Variants in CD1D observed in about 807,000 individuals in gnomAD.
The protein encoded by CD1D is antigen-presenting glycoprotein CD1d.
Under a neutral mutation model 42.1 loss-of-function variants are expected in CD1D, and 40 were observed. That is an observed-to-expected ratio of 0.95 (90% CI 0.74 to 1.24). The LOEUF is 1.24. Among genes scored for constraint, CD1D ranks in the 50% most tolerant of loss-of-function variants. The pLI, the probability that CD1D is intolerant of heterozygous loss-of-function variation, is 0.00. For missense variants in CD1D, 437 were observed against 416.5 expected, an observed-to-expected ratio of 1.05 and a Z score of -0.43; for synonymous variants, 178 against 171.8, an observed-to-expected ratio of 1.04 and a Z score of -0.28.
At chr1:158,178,554 A>G (rs1648257060), upstream of CD1D, among the ~76,000 whole-genome samples, 1 of 152,210 alleles carries the variant, frequency 6.6e-6, no homozygotes, top group African/African-American at 2.4e-5. Context: ...TAAGTCCCTT[A>G]TGATCAGGCT....
At chr1:158,178,547 G>A (rs1378581608), upstream of CD1D, among the ~76,000 whole-genome samples, 1 of 152,144 alleles carries the variant, frequency 6.6e-6, no homozygotes, top group Non-Finnish European at 1.5e-5. Flanking sequence ...AACCAAGTAA[G>A]TCCCTTATGA....
Position 158,182,253 on chromosome 1 carries a change from T to C in CD1D, c.550T>C (p.Cys184Arg). 1 of 1,614,140 alleles carries C rather than the reference T, an allele frequency of 6.2e-7. No homozygotes were observed. Residue 184 changes from cysteine to arginine, a missense_variant, in exon 3 of 6, where the codon TGC (cysteine) becomes CGC (arginine). Physicochemically the swap from Cys to Arg is radical, Grantham distance 180. Coordinates refer to ENST00000674085, the MANE Select transcript of CD1D (RefSeq NM_001371762.2). ...ETVQWLLNGT[C>R]PQFVSGLLES... ...AGTGCAGTGGCTCCTTAATGGCACC[T>C]GCCCCCAATTTGTCAGTGGCCTCCT...
chr1:158,181,974 T>C, intron 2 of CD1D, 58 bp from the exon 3 acceptor site: 1 of 1,528,826 alleles, frequency 6.5e-7, no homozygotes, highest in Non-Finnish European at 8.8e-7. Context: ...ATTTCTTCTC[T>C]TTCATCTCTC....
chr1:158,179,095 A>G (rs1162062924), upstream of CD1D, among the ~76,000 whole-genome samples: 2 of 152,198 alleles, frequency 1.3e-5, no homozygotes, highest in African/African-American at 4.8e-5. Flanking sequence ...ATACACAAAA[A>G]CTAAACAGAA....
rs142024402 is a variant in CD1D, at chr1:158,181,391, T to G, written c.62-64T>G. On this transcript the variant is annotated intron_variant, in intron 1 of 5. Coordinates refer to ENST00000674085, the MANE Select transcript of CD1D (RefSeq NM_001371762.2). The stretch of plus-strand genomic sequence containing the variant: ...CATCTCCTCTTGTTTCTTTCTTCCT[T>G]CTCTTTATGCTGGCTGCTCTCCCGG... 195 of 1,588,796 alleles carry G rather than the reference T, an allele frequency of 1.2e-4. 1 individual carries two copies. The African/African-American group carries it at 2.5e-3, about 20-fold the overall frequency.
In CD1D at chr1:158,182,917, G is replaced by T; in HGVS notation, c.647G>T (p.Gly216Val). 1 of 1,613,426 alleles carries T rather than the reference G, an allele frequency of 6.2e-7. No individual in the cohort carries two copies. Among genetic ancestry groups the T allele is most frequent in the Non-Finnish European group, 8.5e-7 (1 of 1,179,554 alleles). ...TGGCTGTCCCGTGGCCCCAGTCCTGGCCCTGGCCGTCTGCTGCTGGTGTGC... is the reference window on the plus strand; with the variant it reads ...TGGCTGTCCCGTGGCCCCAGTCCTGTCCCTGGCCGTCTGCTGCTGGTGTGC... ...KAWLSRGPSPGPGRLLLVCHV... is the reference protein window; with the variant it reads ...KAWLSRGPSPVPGRLLLVCHV... The change falls in exon 4 of 6, where the codon GGC becomes GTC. Residue 216 changes from glycine to valine, a missense_variant. Gly to Val is a moderately radical substitution (Grantham distance 109). Coordinates refer to ENST00000674085, the MANE Select transcript of CD1D (RefSeq NM_001371762.2).
At position 158,181,047 on chromosome 1, in the gene CD1D, G is replaced by C. The variant is rs1314025872; in HGVS notation, c.-55G>C. ...GCTGAGCGGCGGGGGAGAAGAGTGC[G>C]CAGGTCAGAGGGCGGCGCGCAGCGG... On this transcript the variant is annotated 5_prime_UTR_variant, in exon 1 of 6. Transcript: ENST00000674085. 6.9e-6 allele frequency: 10 copies of C among 1,447,022 alleles called. No homozygotes were observed. Among genetic ancestry groups the C allele is most frequent in the African/African-American group, 1.4e-5 (1 of 70,546 alleles). The allele number at this position is 1,447,022 out of a possible 1,614,324, so 89.6% of individuals were successfully genotyped here. A position where few individuals can be genotyped will look rare whatever the true frequency, so the allele number is the denominator to read the frequency against.
chr1:158,180,666 A>G (rs761876532), upstream of CD1D, among the ~76,000 whole-genome samples: 1 of 152,244 alleles, frequency 6.6e-6, no homozygotes, highest in Non-Finnish European at 1.5e-5. Flanking sequence ...AGAGACATGT[A>G]CTGCTAAAGC....
intron 2 of CD1D, 110 bp from the exon 3 acceptor site, chr1:158,181,922 C>G: frequency 7.0e-7 from 1 of 1,427,112 alleles, no homozygotes; most frequent in South Asian, 1.4e-5. Context: ...CACTTACTTT[C>G]CTTTCCCTGA....
intron 4 of CD1D, 37 bp from the exon 5 acceptor site, chr1:158,183,899 C>G (rs1648578571): frequency 6.6e-7 from 1 of 1,504,220 alleles, no homozygotes; most frequent in Non-Finnish European, 9.3e-7. Flanking sequence ...AGAGAGGGGT[C>G]CTGTGCTGAG....
rs985204807 is a variant in CD1D at position 158,186,211 on chromosome 1, T to C, written c.*2061T>C. On this transcript the variant is annotated 3_prime_UTR_variant, in exon 6 of 6. Coordinates refer to ENST00000674085, the MANE Select transcript of CD1D (RefSeq NM_001371762.2). ...GGCTGTTGCTGTGTTTGGTACCACA[T>C]TGCCCACCCTCACGTGGCGCTCTTC... is the stretch of plus-strand genomic sequence containing the variant. Among the ~76,000 whole-genome samples the C allele has an allele frequency of 5.9e-5, 9 of 152,142 alleles. No individual in the cohort carries two copies. The highest frequency in any genetic ancestry group is 2.2e-4 in the African/African-American group (9 of 41,428).
At chr1:158,179,391 C>T (rs922467019), upstream of CD1D, among the ~76,000 whole-genome samples, 4 of 152,134 alleles carry the variant, frequency 2.6e-5, no homozygotes, top group Admixed American at 2.6e-4. Flanking sequence ...AGCCTATTTT[C>T]TCTAGGACTC....
In CD1D at chr1:158,183,244, T is replaced by C. The variant is rs1648543465; in HGVS notation, c.886+88T>C. 14 of 1,471,380 alleles carry C rather than the reference T, an allele frequency of 9.5e-6. 1 individual carries two copies. Among genetic ancestry groups the C allele is most frequent in the Non-Finnish European group, 1.1e-5 (12 of 1,097,880 alleles). The allele number at this position is 1,471,380 out of a possible 1,614,324, so 91.1% of individuals were successfully genotyped here. A position where few individuals can be genotyped will look rare whatever the true frequency, so the allele number is the denominator to read the frequency against. On this transcript the variant is annotated intron_variant, in intron 4 of 5. Transcript: ENST00000674085. ...CACTGGGGTGGGATGTGGCTTGATATACCCAGGTTAGAGGAGTTTCAGAGA... is the reference window on the plus strand; with the variant it reads ...CACTGGGGTGGGATGTGGCTTGATACACCCAGGTTAGAGGAGTTTCAGAGA...
In CD1D at chr1:158,184,674, A is replaced by G. The variant is rs1648632267; in HGVS notation, c.*524A>G. The G allele has an allele frequency of 6.4e-6, 1 of 157,478 alleles. No homozygotes were observed. The highest frequency in any genetic ancestry group is 6.1e-5 in the Admixed American group (1 of 16,400). 9.8% of individuals were successfully genotyped at this position (157,478 alleles called of 1,614,324 possible). ...TACAAAATACTATGTGGGACACCTC[A>G]AATACATACCTACTGACTGATGACA... On this transcript the variant is annotated 3_prime_UTR_variant, in exon 6 of 6. Coordinates refer to ENST00000674085, the MANE Select transcript of CD1D (RefSeq NM_001371762.2).
rs1295329954 is a variant in CD1D, at chr1:158,182,058, G to A, written c.355G>A (p.Gly119Ser). 2 of 1,611,578 alleles carry A rather than the reference G, an allele frequency of 1.2e-6. No individual in the cohort carries two copies. Among genetic ancestry groups the A allele is most frequent in the African/African-American group, 1.3e-5 (1 of 74,796 alleles). Residue 119 changes from glycine to serine, a missense_variant, in exon 3 of 6, where the codon GGC becomes AGC. Physicochemically the swap from Gly to Ser is moderately conservative, Grantham distance 56. Coordinates refer to ENST00000674085, the MANE Select transcript of CD1D (RefSeq NM_001371762.2). ...SYPLELQVSA[G>S]CEVHPGNASN... ...TCCCTTGGAGCTCCAGGTGTCCGCT[G>A]GCTGTGAGGTGCACCCTGGGAACGC...
At chr1:158,182,615 G>T (rs556106066) in intron 3 of CD1D, among the ~76,000 whole-genome samples, 1 of 152,134 alleles carries the variant, frequency 6.6e-6, no homozygotes, top group Non-Finnish European at 1.5e-5. Context: ...AAAACAAAGG[G>T]TGTTATAGGG....
upstream of CD1D, among the ~76,000 whole-genome samples, chr1:158,179,169 T>C (rs1184729496): frequency 6.6e-6 from 1 of 152,184 alleles, no homozygotes; most frequent in Non-Finnish European, 1.5e-5. Context: ...TATTGCCCCA[T>C]GAGTCATATA....
At chr1:158,183,213 G>T in intron 4 of CD1D, 57 bp downstream of exon 4, 1 of 1,546,594 alleles carries the variant, frequency 6.5e-7, no homozygotes, top group Admixed American at 1.9e-5. Flanking sequence ...CAGGCATAGA[G>T]GGAGGCACTG....
chr1:158,181,482 G>A lies in CD1D; in HGVS notation c.89G>A (p.Cys30Tyr). ...EVPQRLFPLR[C>Y]LQISSFANSS... is the part of the protein sequence containing the mutation. ...CCGCAAAGGCTTTTCCCCCTCCGCT[G>A]CCTCCAGATCTCGTCCTTCGCCAAT... The change falls in exon 2 of 6, where the codon TGC becomes TAC. Residue 30 changes from cysteine (C) to tyrosine (Y), a missense_variant. Coordinates refer to ENST00000674085, the MANE Select transcript of CD1D (RefSeq NM_001371762.2). The A allele has an allele frequency of 1.2e-6, 2 of 1,614,028 alleles. No individual in the cohort carries two copies. The highest frequency in any genetic ancestry group is 2.2e-5 in the East Asian group (1 of 44,870).
Sources: allele counts gnomAD v4.1 joint callset (sites outside exome capture counted in the v4.1 genomes callset), GRCh38; gene constraint gnomAD v4.1.1; transcripts MANE v1.5; gene names NCBI Gene and HGNC (gene_info 2026-07-23, HGNC 2026-07-21).